Variants in PAFAH2 observed in about 807,000 individuals in gnomAD.
The protein encoded by PAFAH2 is platelet-activating factor acetylhydrolase 2, cytoplasmic.
In PAFAH2, 42 loss-of-function variants were observed where a neutral mutation model predicts 49.0. That is an observed-to-expected ratio of 0.86 (90% CI 0.67 to 1.11). The LOEUF (loss-of-function observed/expected upper bound fraction) is 1.11. Ranked by LOEUF, PAFAH2 falls within the 50% of genes least tolerant of loss-of-function variation. The pLI is 0.00. For missense variants in PAFAH2, 503 were observed against 501.8 expected, an observed-to-expected ratio of 1.00 and a Z score of -0.02; for synonymous variants, 184 against 181.3, an observed-to-expected ratio of 1.01 and a Z score of -0.12.
chr1:25,991,845 A>G (rs1205380265), intron 1 of PAFAH2, among the ~76,000 whole-genome samples: 2 of 152,042 alleles, frequency 1.3e-5, no homozygotes, highest in African/African-American at 4.8e-5. Context: ...GTGAGCCGAG[A>G]TTGCACCACT....
rs534965749 is a variant in PAFAH2, at chr1:25,990,734, T to C, written c.83A>G (p.Asn28Ser). Reference protein sequence around the residue: ...VGCGDVMEGQNLQGSFFRLFY... With the variant: ...VGCGDVMEGQSLQGSFFRLFY... ...GGAGCTGGGGACACTTACCTGGAGA[T>C]TCTGACCCTCCATCACATCCCCACA... is the stretch of plus-strand genomic sequence containing the variant. The change falls in exon 2 of 11, where the codon AAT (asparagine) becomes AGT (serine). Residue 28 changes from asparagine (N) to serine (S), a missense_variant. Asn to Ser is a conservative substitution (Grantham distance 46, BLOSUM62 1). Coordinates refer to ENST00000374282, the MANE Select transcript of PAFAH2 (RefSeq NM_000437.4). 1 of 1,613,306 alleles carries C rather than the reference T, an allele frequency of 6.2e-7. No individual in the cohort carries two copies. Among genetic ancestry groups the C allele is most frequent in the Non-Finnish European group, 8.5e-7 (1 of 1,179,358 alleles).
intron 4 of PAFAH2, among the ~76,000 whole-genome samples, chr1:25,986,780 C>T (rs147946403): frequency 0.011 from 1,683 of 152,112 alleles, 28 homozygotes; most frequent in African/African-American, 0.038. Flanking sequence ...ATCCACCCAC[C>T]TCGGCCTCCC....
Position 25,960,670 on chromosome 1 carries a change from C to A in PAFAH2, c.*1319G>T, listed in dbSNP as rs761297946. The A allele has an allele frequency of 6.3e-4, 96 of 152,664 alleles. No individual in the cohort carries two copies. Among genetic ancestry groups the A allele is most frequent in the Middle Eastern group, 3.4e-3 (1 of 294 alleles). The allele number at this position is 152,664 out of a possible 1,614,324, so 9.5% of individuals were successfully genotyped here. A position where few individuals can be genotyped will look rare whatever the true frequency, so the allele number is the denominator to read the frequency against. On this transcript the variant is annotated 3_prime_UTR_variant, in exon 11 of 11. Coordinates refer to ENST00000374282, the MANE Select transcript of PAFAH2 (RefSeq NM_000437.4). ...AAGGGCCTCAGAGCCAGAAAACAGA[C>A]AATAAAAGCACCCTGATTCTGAGCA...
chr1:25,984,777 G>A (rs1244293860), intron 4 of PAFAH2, among the ~76,000 whole-genome samples: 1 of 150,220 alleles, frequency 6.7e-6, no homozygotes, highest in Non-Finnish European at 1.5e-5. Context: ...AGGTTCTTAA[G>A]TTCCTTTTCA....
chr1:25,965,212 T>C (rs993109236), intron 10 of PAFAH2, among the ~76,000 whole-genome samples: 2 of 152,142 alleles, frequency 1.3e-5, no homozygotes, highest in South Asian at 2.1e-4. Context: ...GATAGCCATA[T>C]GAAGAAGAAT....
In PAFAH2 at chr1:25,962,070, GTCT is replaced by G. The variant is rs1398844066; in HGVS notation, c.1095_1097del (p.Glu365del). On this transcript the variant is annotated inframe_deletion, in exon 11 of 11. Coordinates refer to ENST00000374282, the MANE Select transcript of PAFAH2 (RefSeq NM_000437.4). ...CAATAAGGTTGTTCCATTGATTATA[GTCT>G]TCTTTCAGGTCTGAAAAGGAAAAAA... is the stretch of plus-strand genomic sequence containing the variant. The G allele has an allele frequency of 2.5e-6, 4 of 1,613,246 alleles. No homozygotes were observed. The highest frequency in any genetic ancestry group is 2.5e-6 in the Non-Finnish European group (3 of 1,179,594).
At chr1:25,984,942 C>T (rs2049758924) in intron 4 of PAFAH2, among the ~76,000 whole-genome samples, 1 of 149,822 alleles carries the variant, frequency 6.7e-6, no homozygotes, top group Admixed American at 6.8e-5. Context: ...GCAACCTCTG[C>T]CTCCCGGGGT....
At chr1:25,990,615 C>A in intron 2 of PAFAH2, 112 bp downstream of exon 2, 1 of 849,762 alleles carries the variant, frequency 1.2e-6, no homozygotes, top group South Asian at 1.7e-5. Flanking sequence ...AATCCAGACC[C>A]GCTCTAATTC....
intron 1 of PAFAH2, chr1:25,997,517 T>G (rs1388125960): frequency 2.0e-5 from 3 of 152,240 alleles, no homozygotes; most frequent in African/African-American, 7.2e-5. Flanking sequence ...GTTGTATGAT[T>G]TGCCCAAGGT....
Position 25,961,919 on chromosome 1 carries a change from T to A in PAFAH2, c.*70A>T. 1 of 1,099,094 alleles carries A rather than the reference T, an allele frequency of 9.1e-7. No individual in the cohort carries two copies. Among genetic ancestry groups the A allele is most frequent in the Non-Finnish European group, 1.4e-6 (1 of 717,786 alleles). The allele number at this position is 1,099,094 out of a possible 1,614,324, so 68.1% of individuals were successfully genotyped here. On this transcript the variant is annotated 3_prime_UTR_variant, in exon 11 of 11. Coordinates refer to ENST00000374282, the MANE Select transcript of PAFAH2 (RefSeq NM_000437.4). The stretch of plus-strand genomic sequence containing the variant: ...ACGTTGATCACTTCTTGATAGGAGC[T>A]CATGGGTGCCCTTGGGTAGCTCCCA...
At position 25,976,749 on chromosome 1, in the gene PAFAH2, C is replaced by T. The variant is rs765969186; in HGVS notation, c.691G>A (p.Ala231Thr). 6.2e-7 allele frequency: 1 copy of T among 1,614,182 alleles called. No homozygotes were observed. ...LKGNIDMSRVAVMGHSFGGAT... is the reference protein window; with the variant it reads ...LKGNIDMSRVTVMGHSFGGAT... ...CCTCCAAATGAATGTCCCATCACAG[C>T]CACACGGCTCATGTCAATGTTGCCC... Residue 231 changes from alanine to threonine, a missense_variant, in exon 8 of 11, where the codon GCT (alanine) becomes ACT (threonine). Coordinates refer to ENST00000374282, the MANE Select transcript of PAFAH2 (RefSeq NM_000437.4).
intron 10 of PAFAH2, among the ~76,000 whole-genome samples, chr1:25,963,764 G>A (rs1290914687): frequency 6.6e-6 from 1 of 152,240 alleles, no homozygotes; most frequent in African/African-American, 2.4e-5. Context: ...GCCTCCCAAA[G>A]TGTTGGGATT....
At chr1:25,968,969 C>T (rs774662401) in intron 10 of PAFAH2, among the ~76,000 whole-genome samples, 1 of 152,184 alleles carries the variant, frequency 6.6e-6, no homozygotes, top group Non-Finnish European at 1.5e-5. Context: ...TGCCTCTCAC[C>T]TTGCCCCATC....
At chr1:25,984,361 G>T (rs890221593) in intron 5 of PAFAH2, 99 bp downstream of exon 5, 5 of 921,298 alleles carry the variant, frequency 5.4e-6, no homozygotes, top group African/African-American at 1.7e-5. Flanking sequence ...ATGCTGGCTT[G>T]CACGGTTGTC....
intron 1 of PAFAH2, among the ~76,000 whole-genome samples, chr1:25,994,840 A>C (rs1279071611): frequency 6.6e-6 from 1 of 152,174 alleles, no homozygotes; most frequent in Non-Finnish European, 1.5e-5. Flanking sequence ...GCTCCTGGAA[A>C]GTTTCTGGGA....
At chr1:25,982,236 G>GATCTT in intron 7 of PAFAH2, 128 bp downstream of exon 7, 1 of 678,680 alleles carries the variant, frequency 1.5e-6, no homozygotes, top group African/African-American at 1.8e-5. Flanking sequence ...GTTGGCCTTT[G>GATCTT]ATCTTCTTGA....
intron 7 of PAFAH2, among the ~76,000 whole-genome samples, chr1:25,977,653 C>CA (rs534687608): frequency 0.033 from 1,997 of 60,328 alleles, 18 homozygotes; most frequent in African/African-American, 0.053. Flanking sequence ...ACCCTGTCTC[C>CA]AAAAAAAAAA....
rs772815200 is a variant in PAFAH2, at chr1:25,989,564, G to A, written c.128C>T (p.Ala43Val). 6 of 1,610,588 alleles carry A rather than the reference G, an allele frequency of 3.7e-6. No homozygotes were observed. Among genetic ancestry groups the A allele is most frequent in the Admixed American group, 1.7e-5 (1 of 59,438 alleles). ...CAGGGGCTGCTCCATGGTCTCCTCT[G>A]CCTTTTGGCAGGGGTAGAAGAGTCG... ...FFRLFYPCQKAEETMEQPLWI... is the reference protein window; with the variant it reads ...FFRLFYPCQKVEETMEQPLWI... Residue 43 changes from alanine (A) to valine (V), a missense_variant, in exon 3 of 11, where the codon GCA becomes GTA. By Grantham distance (64) the Ala-to-Val change is moderately conservative. Coordinates refer to ENST00000374282, the MANE Select transcript of PAFAH2 (RefSeq NM_000437.4).
intron 1 of PAFAH2, among the ~76,000 whole-genome samples, chr1:25,995,590 T>C (rs1932067): frequency 0.077 from 11,760 of 152,294 alleles, 625 homozygotes; most frequent in Non-Finnish European, 0.12. Flanking sequence ...GAGTATATAC[T>C]GTGTTCTGGT....
Sources: allele counts gnomAD v4.1 joint callset (sites outside exome capture counted in the v4.1 genomes callset), GRCh38; gene constraint gnomAD v4.1.1; transcripts MANE v1.5; gene names NCBI Gene and HGNC (gene_info 2026-07-23, HGNC 2026-07-21).